Variants in RBFOX1 observed in about 807,000 individuals in gnomAD.
RBFOX1 encodes the protein RNA binding fox-1 homolog 1.
RBFOX1 carries 8 observed loss-of-function variants against 57.7 expected under a neutral mutation model. The ratio of observed to expected loss-of-function variants is 0.14; its 90% CI spans 0.08 to 0.25. The LOEUF (loss-of-function observed/expected upper bound fraction) is 0.25. Ranked by LOEUF, RBFOX1 falls within the 10% of genes least tolerant of loss-of-function variation. The pLI, the probability that RBFOX1 is intolerant of heterozygous loss-of-function variation, is 1.00. For missense variants in RBFOX1, 611 were observed against 548.5 expected (o/e 1.11, Z -1.14); for synonymous variants, 326 against 222.4 (o/e 1.47, Z -4.15).
At chr16:7,231,699 C>G (rs1270661646) in intron 4 of RBFOX1, among the ~76,000 whole-genome samples, 1 of 152,130 alleles carries the variant, frequency 6.6e-6, no homozygotes, top group Non-Finnish European at 1.5e-5. Context: ...TCTATCCATA[C>G]AATGAAATAT....
chr16:6,760,480 C>T (rs1247672952), intron 3 of RBFOX1, among the ~76,000 whole-genome samples: 2 of 152,222 alleles, frequency 1.3e-5, no homozygotes, highest in East Asian at 3.9e-4. Context: ...AGATAAAATA[C>T]CAAGGATACC....
intron 4 of RBFOX1, among the ~76,000 whole-genome samples, chr16:7,372,970 T>A (rs2097597090): frequency 6.6e-6 from 1 of 151,888 alleles, no homozygotes; most frequent in Admixed American, 6.6e-5. Flanking sequence ...CTTGCTCTGT[T>A]GCCCAGGCTG....
At chr16:6,090,462 A>T (rs1303712819) in intron 1 of RBFOX1, among the ~76,000 whole-genome samples, 1 of 152,194 alleles carries the variant, frequency 6.6e-6, no homozygotes, top group Non-Finnish European at 1.5e-5. Flanking sequence ...CAGCTATAGA[A>T]AGTTGAAACC....
intron 4 of RBFOX1, among the ~76,000 whole-genome samples, chr16:7,200,511 C>A (rs766826957): frequency 6.6e-6 from 1 of 152,156 alleles, no homozygotes; most frequent in Non-Finnish European, 1.5e-5. Flanking sequence ...GCAATATACC[C>A]CACAGACAAC....
At chr16:7,198,195 C>T (rs569005238) in intron 4 of RBFOX1, among the ~76,000 whole-genome samples, 3 of 151,738 alleles carry the variant, frequency 2.0e-5, no homozygotes, top group Non-Finnish European at 2.9e-5. Flanking sequence ...TTAGTAGAGA[C>T]GGGGTTTCAC....
At position 5,673,326 on chromosome 16, in the gene RBFOX1, T is replaced by TC. The variant is rs1376700356; in HGVS notation, c.318+74367dup. 2.0e-5 allele frequency among the ~76,000 whole-genome samples: 3 copies of TC among 152,150 alleles called. No homozygotes were observed. In the East Asian group the frequency reaches 5.8e-4, roughly 30 times the overall value. ...CCCAGGAGCCAGGCAGGAAGCAGGT[T>TC]CCAAGGTCGACAGGGTTGATATCAA... On this transcript the variant is annotated intron_variant, in intron 3 of 19. Transcript: ENST00000641259.
At chr16:6,166,280 A>C (rs2096916511) in intron 1 of RBFOX1, among the ~76,000 whole-genome samples, 1 of 152,046 alleles carries the variant, frequency 6.6e-6, no homozygotes, top group African/African-American at 2.4e-5. Flanking sequence ...TATGCACATA[A>C]GGACTCTCTG....
chr16:7,591,290 C>T (rs2094432581), intron 7 of RBFOX1, among the ~76,000 whole-genome samples: 1 of 152,202 alleles, frequency 6.6e-6, no homozygotes, highest in East Asian at 1.9e-4. Flanking sequence ...ATCAACAGCT[C>T]CCCTCTTCTA....
At chr16:7,270,383 A>T (rs930241340) in intron 4 of RBFOX1, among the ~76,000 whole-genome samples, 2 of 152,240 alleles carry the variant, frequency 1.3e-5, no homozygotes, top group Non-Finnish European at 2.9e-5. Flanking sequence ...GAAATGTAAG[A>T]AGTTTAACGC....
intron 4 of RBFOX1, among the ~76,000 whole-genome samples, chr16:7,102,840 C>G: frequency 6.6e-6 from 1 of 151,988 alleles, no homozygotes; most frequent in East Asian, 1.9e-4. Flanking sequence ...AAAACACAGC[C>G]TAATTTCAAA....
chr16:6,703,887 G>A (rs753316637), intron 3 of RBFOX1: 1 of 152,068 alleles, frequency 6.6e-6, no homozygotes, highest in African/African-American at 2.4e-5. Flanking sequence ...TACACCTGAG[G>A]CTACAGCAGA....
intron 3 of RBFOX1, among the ~76,000 whole-genome samples, chr16:6,970,401 A>G (rs1433444956): frequency 6.6e-6 from 1 of 152,074 alleles, no homozygotes; most frequent in African/African-American, 2.4e-5. Context: ...TTAATGTTTC[A>G]CTGACTTAGT....
intron 4 of RBFOX1, among the ~76,000 whole-genome samples, chr16:7,190,776 G>A (rs1010951216): frequency 1.6e-4 from 24 of 152,146 alleles, no homozygotes; most frequent in African/African-American, 5.8e-4. Context: ...CGGGTTTATG[G>A]CATTGCTCAT....
chr16:5,832,008 GAAGGTATGTCTGTCTGGTT>G (rs2056291599), intron 3 of RBFOX1, among the ~76,000 whole-genome samples: 1 of 152,180 alleles, frequency 6.6e-6, no homozygotes. Context: ...ATCCTAGAGG[GAAGGTATGTCTGTCTGGTT>G]GAAGGAAGAC....
intron 5 of RBFOX1, among the ~76,000 whole-genome samples, chr16:7,546,028 AAAG>A (rs1200833671): frequency 8.8e-6 from 1 of 113,214 alleles, no homozygotes; most frequent in Non-Finnish European, 1.9e-5. Flanking sequence ...AAAAAAAAAA[AAAG>A]AAAAAGAAAA....
intron 5 of RBFOX1, among the ~76,000 whole-genome samples, chr16:7,529,358 T>G (rs899701663): frequency 3.3e-5 from 5 of 152,190 alleles, no homozygotes; most frequent in Non-Finnish European, 7.3e-5. Flanking sequence ...GTTGGAGACA[T>G]TGGCAAAATA....
At position 6,503,883 on chromosome 16, in the gene RBFOX1, T is replaced by A. The variant is rs116172496; in HGVS notation, c.-63-150720T>A. 7.5e-3 allele frequency among the ~76,000 whole-genome samples: 1,138 copies of A among 152,300 alleles called. 11 individuals are homozygous for A. The highest frequency in any genetic ancestry group is 0.026 in the African/African-American group (1,074 of 41,560). ...ACCCAGGCCTCTTTAAGGCAAGCCATGCACTGAAGGGAATAATGCTCTACG... is the reference window on the plus strand; with the variant it reads ...ACCCAGGCCTCTTTAAGGCAAGCCAAGCACTGAAGGGAATAATGCTCTACG... On this transcript the variant is annotated intron_variant, in intron 2 of 15. Transcript: ENST00000550418.
At chr16:6,561,177 A>G (rs1599870897) in intron 2 of RBFOX1, among the ~76,000 whole-genome samples, 1 of 152,160 alleles carries the variant, frequency 6.6e-6, no homozygotes, top group South Asian at 2.1e-4. Flanking sequence ...CTTAAAATGA[A>G]TATGCTTCAC....
At chr16:6,024,500 T>G (rs961957670) in intron 1 of RBFOX1, among the ~76,000 whole-genome samples, 1 of 152,074 alleles carries the variant, frequency 6.6e-6, no homozygotes, top group Non-Finnish European at 1.5e-5. Context: ...TCCGCTTTCT[T>G]TTTTTTGAAA....
Sources: gnomAD v4.1 joint callset for allele counts (sites outside exome capture counted in the v4.1 genomes callset) on GRCh38, gnomAD v4.1.1 for gene constraint, MANE v1.5 for transcripts, NCBI Gene and HGNC (gene_info 2026-07-23, HGNC 2026-07-21) for gene names.